The following ST6GALNAC3 variants were observed in gnomAD, a reference collection of about 807,000 sequenced individuals.
The protein encoded by ST6GALNAC3 is alpha-N-acetylgalactosaminide alpha-2,6-sialyltransferase 3.
A neutral mutation model predicts 32.7 loss-of-function variants in ST6GALNAC3; 25 were observed. That is an observed-to-expected ratio of 0.76 (90% confidence interval 0.56 to 1.07). The LOEUF (loss-of-function observed/expected upper bound fraction) is 1.07, where lower values mean the gene tolerates loss of function less well. ST6GALNAC3 is among the 50% of genes least tolerant of loss of function. ST6GALNAC3 has a pLI of 0.00. For synonymous variants in ST6GALNAC3, 129 were observed against 133.1 expected, an observed-to-expected ratio of 0.97 and a Z score of 0.21; for missense variants, 355 against 382.4, an observed-to-expected ratio of 0.93 and a Z score of 0.60.
intron 1 of ST6GALNAC3, among the ~76,000 whole-genome samples, chr1:76,237,745 A>G (rs1440202450): frequency 6.6e-6 from 1 of 152,118 alleles, no homozygotes; most frequent in African/African-American, 2.4e-5. Context: ...GAAAAAAAAT[A>G]TTTCTGGAGA....
intron 3 of ST6GALNAC3, among the ~76,000 whole-genome samples, chr1:76,500,833 T>C (rs1363140649): frequency 6.6e-6 from 1 of 152,198 alleles, no homozygotes; most frequent in Non-Finnish European, 1.5e-5. Context: ...GGAATGTATA[T>C]AGATGTACAC....
At chr1:76,166,079 C>A (rs1652106501) in intron 1 of ST6GALNAC3, among the ~76,000 whole-genome samples, 1 of 152,166 alleles carries the variant, frequency 6.6e-6, no homozygotes, top group Non-Finnish European at 1.5e-5. Flanking sequence ...GTCATGAAAT[C>A]TTTCCCTGTT....
chr1:76,584,159 C>T (rs1037726301), intron 3 of ST6GALNAC3, among the ~76,000 whole-genome samples: 1 of 152,196 alleles, frequency 6.6e-6, no homozygotes, highest in Admixed American at 6.5e-5. Context: ...AGCTGGATAA[C>T]TTGCCCAAGG....
chr1:76,346,875 CTA>C (rs1202001450), intron 2 of ST6GALNAC3, among the ~76,000 whole-genome samples: 1 of 152,020 alleles, frequency 6.6e-6, no homozygotes, highest in Non-Finnish European at 1.5e-5. Flanking sequence ...TCAATAAACA[CTA>C]AATAAATTAC....
At chr1:76,564,653 T>A (rs1442738445) in intron 3 of ST6GALNAC3, among the ~76,000 whole-genome samples, 1 of 148,456 alleles carries the variant, frequency 6.7e-6, no homozygotes, top group Non-Finnish European at 1.5e-5. Flanking sequence ...TGGCTCTATC[T>A]CGGCTCACTG....
chr1:76,361,189 A>C (rs2101050907), intron 2 of ST6GALNAC3, among the ~76,000 whole-genome samples: 1 of 152,296 alleles, frequency 6.6e-6, no homozygotes, highest in South Asian at 2.1e-4. Flanking sequence ...TTCATCTTGC[A>C]GAACTAAAAC....
chr1:76,456,364 T>A (rs1374293763), intron 3 of ST6GALNAC3, among the ~76,000 whole-genome samples: 1 of 152,144 alleles, frequency 6.6e-6, no homozygotes. Flanking sequence ...TTTATTTTTT[T>A]GAGTCGGAGT....
intron 1 of ST6GALNAC3, among the ~76,000 whole-genome samples, chr1:76,140,283 CTG>C (rs1457714881): frequency 1.3e-5 from 2 of 152,198 alleles, no homozygotes; most frequent in African/African-American, 2.4e-5. Context: ...TTCATTAACA[CTG>C]TGGGCGATTC....
chr1:76,308,430 T>C (rs2100874910), intron 1 of ST6GALNAC3, among the ~76,000 whole-genome samples: 1 of 152,284 alleles, frequency 6.6e-6, no homozygotes, highest in South Asian at 2.1e-4. Flanking sequence ...GAAAAATTTG[T>C]TGAGCCGAGT....
intron 1 of ST6GALNAC3, among the ~76,000 whole-genome samples, chr1:76,266,054 C>A (rs941613905): frequency 6.6e-6 from 1 of 152,114 alleles, no homozygotes; most frequent in African/African-American, 2.4e-5. Flanking sequence ...AAATTTCCTA[C>A]GTTTTTCAGA....
intron 3 of ST6GALNAC3, among the ~76,000 whole-genome samples, chr1:76,438,074 T>C (rs1378180308): frequency 1.3e-5 from 2 of 151,920 alleles, no homozygotes; most frequent in African/African-American, 4.8e-5. Flanking sequence ...AGGGTTCATT[T>C]AAACTTATTT....
At chr1:76,392,313 T>C (rs909095497) in intron 2 of ST6GALNAC3, among the ~76,000 whole-genome samples, 117 of 152,332 alleles carry the variant, frequency 7.7e-4, no homozygotes, top group Middle Eastern at 3.4e-3. Context: ...CAACAACTTA[T>C]CACATTATTT....
At chr1:76,400,977 A>G (rs75105580) in intron 2 of ST6GALNAC3, among the ~76,000 whole-genome samples, 19 of 151,718 alleles carry the variant, frequency 1.3e-4, no homozygotes, top group Non-Finnish European at 2.5e-4. Flanking sequence ...GCTATTTTAT[A>G]ATTTTCATTA....
intron 3 of ST6GALNAC3, among the ~76,000 whole-genome samples, chr1:76,611,887 A>G (rs190266150): frequency 8.9e-4 from 135 of 152,282 alleles, no homozygotes; most frequent in Non-Finnish European, 1.6e-3. Context: ...GAAAGAGATG[A>G]TATGAGAAAG....
Position 76,630,901 on chromosome 1 carries a change from T to C in ST6GALNAC3, c.*2095T>C. ...TTAAAATTGCCATACAGACTGTTTT[T>C]CCCCCTGTTGTTTCACTTTAAAATA... On this transcript the variant is annotated 3_prime_UTR_variant, in exon 5 of 5. Transcript: ENST00000328299. The C allele has an allele frequency of 1.0e-6, 1 of 985,632 alleles. No homozygotes were observed. The highest frequency in any genetic ancestry group is 1.2e-6 in the Non-Finnish European group (1 of 829,822). 61.1% of individuals were successfully genotyped at this position (985,632 alleles called of 1,614,324 possible).
intron 3 of ST6GALNAC3, among the ~76,000 whole-genome samples, chr1:76,587,449 T>C (rs1316989854): frequency 6.6e-6 from 1 of 152,142 alleles, no homozygotes; most frequent in African/African-American, 2.4e-5. Flanking sequence ...CAAAGTTCTC[T>C]AGATGCTGAG....
At chr1:76,383,240 C>A (rs935230391) in intron 2 of ST6GALNAC3, among the ~76,000 whole-genome samples, 6 of 151,712 alleles carry the variant, frequency 4.0e-5, no homozygotes, top group African/African-American at 1.5e-4. Flanking sequence ...AACAGCAAAC[C>A]CACATTAAAA....
intron 3 of ST6GALNAC3, among the ~76,000 whole-genome samples, chr1:76,498,786 TAAATGACTTGTCCAAGGTCAC>T (rs1276829588): frequency 6.6e-6 from 1 of 151,996 alleles, no homozygotes; most frequent in African/African-American, 2.4e-5. Context: ...TATTTAATTT[TAAATGACTTGTCCAAGGTCAC>T]TTGGCTGGAA....
At chr1:76,517,062 A>G (rs1440433908) in intron 3 of ST6GALNAC3, among the ~76,000 whole-genome samples, 1 of 151,904 alleles carries the variant, frequency 6.6e-6, no homozygotes, top group East Asian at 1.9e-4. Context: ...TAATTTAAAA[A>G]TTTCTTTGGG....
Sources: gnomAD v4.1 joint callset for allele counts (sites outside exome capture counted in the v4.1 genomes callset) on GRCh38, gnomAD v4.1.1 for gene constraint, MANE v1.5 for transcripts, NCBI Gene and HGNC (gene_info 2026-07-23, HGNC 2026-07-21) for gene names.